The following NBEA variants were observed in gnomAD, a reference collection of about 807,000 sequenced individuals.
NBEA encodes lysosomal-trafficking regulator 2.
A neutral mutation model predicts 343.4 loss-of-function variants in NBEA; 44 were observed. The observed-to-expected ratio is 0.13, with a 90% CI of 0.10 to 0.16. NBEA has a LOEUF of 0.16. Among genes scored for constraint, NBEA ranks in the 10% least tolerant of loss-of-function variants. The pLI, the probability that NBEA is intolerant of heterozygous loss-of-function variation, is 1.00. For synonymous variants in NBEA, 1,175 were observed against 1,238.7 expected, an observed-to-expected ratio of 0.95 and a Z score of 1.08; for missense variants, 2,555 against 3,631.3, an observed-to-expected ratio of 0.70 and a Z score of 7.62.
At chr13:35,371,646 G>T (rs1001948034) in intron 38 of NBEA, among the ~76,000 whole-genome samples, 10 of 151,908 alleles carry the variant, frequency 6.6e-5, no homozygotes, top group African/African-American at 1.9e-4. Flanking sequence ...CCATAATTTT[G>T]TTTCTTTGGA....
At chr13:34,983,406 C>G (rs1008349277) in intron 1 of NBEA, among the ~76,000 whole-genome samples, 1 of 152,166 alleles carries the variant, frequency 6.6e-6, no homozygotes, top group African/African-American at 2.4e-5. Context: ...GCCATATTTT[C>G]TTAATCCAGT....
In NBEA at chr13:35,394,684, T is replaced by G. The variant is rs568348840; in HGVS notation, c.6180-37585T>G. On this transcript the variant is annotated intron_variant, in intron 38 of 58. Coordinates refer to ENST00000379939, the MANE Select transcript of NBEA (RefSeq NM_001385012.1). ...CATGAACTCACTTCCCTGGGACATT[T>G]CCAAAACTATGCTAGACATGGATCC... 2.0e-5 allele frequency among the ~76,000 whole-genome samples: 3 copies of G among 152,270 alleles called. No individual in the cohort carries two copies. The East Asian group carries it at 5.8e-4, about 29-fold the overall frequency.
At chr13:35,599,344 T>C (rs1217409856) in intron 47 of NBEA, among the ~76,000 whole-genome samples, 1 of 152,210 alleles carries the variant, frequency 6.6e-6, no homozygotes, top group East Asian at 1.9e-4. Flanking sequence ...CAACTATTTA[T>C]TCATCGACAA....
intron 40 of NBEA, among the ~76,000 whole-genome samples, chr13:35,468,473 T>A (rs1235455446): frequency 1.3e-5 from 2 of 152,208 alleles, no homozygotes; most frequent in Non-Finnish European, 2.9e-5. Flanking sequence ...ATACATACAT[T>A]TAGTCTTCCT....
intron 33 of NBEA, among the ~76,000 whole-genome samples, chr13:35,216,386 C>T (rs971555864): frequency 1.3e-5 from 2 of 151,962 alleles, no homozygotes; most frequent in Non-Finnish European, 2.9e-5. Flanking sequence ...TGTCACATTA[C>T]TGTGACTGAG....
Position 35,290,375 on chromosome 13 carries a change from T to G in NBEA, c.5777-14T>G, listed in dbSNP as rs1415939737. ...ATTGTAATTTCATTTTGTTTTAACC[T>G]TTCTTTGTTGTAGGCCTTGTTTGTA... On this transcript the variant is annotated splice_polypyrimidine_tract_variant and intron_variant, in intron 34 of 58. Transcript: ENST00000379939. 5 of 1,579,940 alleles carry G rather than the reference T, an allele frequency of 3.2e-6. 1 individual carries two copies. In the South Asian group the frequency reaches 3.4e-5, roughly 11 times the overall value.
chr13:35,158,911 T>C (rs535671780), intron 21 of NBEA, 105 bp from the exon 22 acceptor site: 1 of 1,068,888 alleles, frequency 9.4e-7, no homozygotes, highest in South Asian at 1.9e-5. Context: ...AGTCTTAAAC[T>C]TTCTGGCATT....
intron 36 of NBEA, among the ~76,000 whole-genome samples, chr13:35,333,967 C>T (rs1390955861): frequency 6.6e-6 from 1 of 152,074 alleles, no homozygotes; most frequent in Non-Finnish European, 1.5e-5. Context: ...TAGGATGCTT[C>T]CAAATCTTGG....
At chr13:35,295,853 T>C (rs543790349) in intron 35 of NBEA, among the ~76,000 whole-genome samples, 1 of 152,212 alleles carries the variant, frequency 6.6e-6, no homozygotes, top group Non-Finnish European at 1.5e-5. Context: ...TTACTTTTGA[T>C]TAGTTCTATG....
chr13:35,263,144 A>G (rs1419127762), intron 34 of NBEA, among the ~76,000 whole-genome samples: 1 of 152,204 alleles, frequency 6.6e-6, no homozygotes, highest in African/African-American at 2.4e-5. Flanking sequence ...ATGGAATACA[A>G]TCTCTAGCCC....
chr13:35,238,800 A>C (rs957520879), intron 34 of NBEA, among the ~76,000 whole-genome samples: 1 of 152,166 alleles, frequency 6.6e-6, no homozygotes, highest in Non-Finnish European at 1.5e-5. Context: ...TATTTTATTA[A>C]AATCATATAA....
intron 1 of NBEA, among the ~76,000 whole-genome samples, chr13:34,977,182 C>T (rs914575578): frequency 7.2e-5 from 11 of 151,990 alleles, no homozygotes; most frequent in African/African-American, 1.7e-4. Context: ...TCAGGTGATC[C>T]GCCTGCCTTG....
rs1476826721 is a variant in NBEA, at chr13:34,942,644, G to T, written c.-177G>T. 2.7e-6 allele frequency: 1 copy of T among 364,180 alleles called. No individual in the cohort carries two copies. The highest frequency in any genetic ancestry group is 2.1e-5 in the African/African-American group (1 of 46,880). 22.6% of individuals were successfully genotyped at this position (364,180 alleles called of 1,614,324 possible). A position where few individuals can be genotyped will look rare whatever the true frequency, so the allele number is the denominator to read the frequency against. On this transcript the variant is annotated 5_prime_UTR_variant, in exon 1 of 59. Transcript: ENST00000379939. The stretch of plus-strand genomic sequence containing the variant: ...CTGCGGATCCCCCGCCGCCTCCGCG[G>T]GGGAGAGCGCCGGAGCGGGCCGGGC...
At chr13:35,249,216 T>A (rs1201349661) in intron 34 of NBEA, among the ~76,000 whole-genome samples, 1 of 150,788 alleles carries the variant, frequency 6.6e-6, no homozygotes, top group Non-Finnish European at 1.5e-5. Flanking sequence ...TGGCAATGAT[T>A]TCTTTCTAAA....
At chr13:34,944,380 T>C (rs2059126315) in intron 1 of NBEA, among the ~76,000 whole-genome samples, 1 of 152,256 alleles carries the variant, frequency 6.6e-6, no homozygotes, top group Admixed American at 6.5e-5. Context: ...CTACGGTTTA[T>C]GAACCTCGTA....
intron 41 of NBEA, 107 bp downstream of exon 41, chr13:35,472,643 T>C (rs1369122990): frequency 1.9e-6 from 2 of 1,068,932 alleles, no homozygotes; most frequent in Non-Finnish European, 2.8e-6. Context: ...CACATTCTCC[T>C]CTTTCTCATA....
At chr13:35,046,672 G>A (rs190495775) in intron 4 of NBEA, among the ~76,000 whole-genome samples, 5 of 152,150 alleles carry the variant, frequency 3.3e-5, no homozygotes, top group Admixed American at 3.3e-4. Context: ...AACAATTATA[G>A]CAATATATTA....
At chr13:35,147,299 G>A (rs530818108) in intron 18 of NBEA, among the ~76,000 whole-genome samples, 2 of 152,360 alleles carry the variant, frequency 1.3e-5, no homozygotes, top group South Asian at 2.1e-4. Context: ...GCAACACATG[G>A]ACAAGATGTT....
chr13:35,012,536 C>T (rs2061521454), intron 1 of NBEA, among the ~76,000 whole-genome samples: 2 of 152,150 alleles, frequency 1.3e-5, no homozygotes, highest in South Asian at 4.1e-4. Context: ...AGTCTTTAGT[C>T]CTGCAGCTAT....
Sources: allele counts gnomAD v4.1 joint callset (sites outside exome capture counted in the v4.1 genomes callset), GRCh38; gene constraint gnomAD v4.1.1; transcripts MANE v1.5; gene names NCBI Gene and HGNC (gene_info 2026-07-23, HGNC 2026-07-21).